Variants in TRPM1 observed in about 807,000 individuals in gnomAD.
The protein encoded by TRPM1 is TRPM1-203 APA Isoform, Intron 10.
Under a neutral mutation model 149.4 loss-of-function variants are expected in TRPM1, and 113 were observed. That is an observed-to-expected ratio of 0.76 (90% CI 0.65 to 0.88). TRPM1 has a LOEUF of 0.88. Among genes scored for constraint, TRPM1 ranks in the 40% least tolerant of loss-of-function variants. The pLI is 0.00. For missense variants in TRPM1, 1,976 were observed against 2,038.7 expected (o/e 0.97, Z 0.59); for synonymous variants, 741 against 759.5 (o/e 0.98, Z 0.40).
At chr15:31,068,744 CAAAAA>C (rs60411633) in intron 4 of TRPM1, among the ~76,000 whole-genome samples, 2,121 of 60,168 alleles carry the variant, frequency 0.035, 87 homozygotes, top group African/African-American at 0.13. Flanking sequence ...AACTCCAACT[CAAAAA>C]AAAAAAAAAA....
intron 1 of TRPM1, among the ~76,000 whole-genome samples, chr15:31,128,365 C>T (rs1347113958): frequency 6.6e-6 from 1 of 152,206 alleles, no homozygotes; most frequent in African/African-American, 2.4e-5. Context: ...GTCTCTTTCG[C>T]TTGTGGGCTG....
intron 16 of TRPM1, among the ~76,000 whole-genome samples, chr15:31,045,421 TCCCC>T (rs2033735438): frequency 6.6e-6 from 1 of 152,140 alleles, no homozygotes; most frequent in Non-Finnish European, 1.5e-5. Context: ...ATTTTCTAAC[TCCCC>T]CCAAATTTTT....
chr15:31,149,326 G>C (rs1451812707), intron 1 of TRPM1, among the ~76,000 whole-genome samples: 2 of 152,116 alleles, frequency 1.3e-5, no homozygotes, highest in Non-Finnish European at 2.9e-5. Context: ...CTTAGCTGAG[G>C]GGGGCGGGTG....
chr15:31,135,393 C>T lies in TRPM1; in HGVS notation c.54+25513G>A, dbSNP rs1397141023. On this transcript the variant is annotated intron_variant, in intron 1 of 26. Transcript: ENST00000542188. ...TCATGTTGAACATGATAAATGCATA[C>T]AATTTTTACTTGTCAATTAAAAAAA... 3.3e-5 allele frequency among the ~76,000 whole-genome samples: 5 copies of T among 151,910 alleles called. 1 individual carries two copies. Among genetic ancestry groups the T allele is most frequent in the Non-Finnish European group, 7.4e-5 (5 of 67,972 alleles).
intron 21 of TRPM1, among the ~76,000 whole-genome samples, 183 bp downstream of exon 21, chr15:31,035,363 T>G (rs1430639896): frequency 6.6e-6 from 1 of 152,230 alleles, no homozygotes; most frequent in Middle Eastern, 3.4e-3. Flanking sequence ...CCAGGCTGGT[T>G]TCAAATTCCT....
intron 2 of TRPM1, among the ~76,000 whole-genome samples, chr15:31,077,246 T>C (rs1460932249): frequency 6.6e-6 from 1 of 152,184 alleles, no homozygotes; most frequent in East Asian, 1.9e-4. Context: ...TGCACGGTTC[T>C]GGGGTGGGAG....
At chr15:31,072,560 A>T (rs1295811865) in intron 3 of TRPM1, among the ~76,000 whole-genome samples, 1 of 152,154 alleles carries the variant, frequency 6.6e-6, no homozygotes, top group Non-Finnish European at 1.5e-5. Context: ...TTGCTGGGTC[A>T]TACGGTTACT....
At chr15:31,080,795 G>A (rs967995146) in intron 2 of TRPM1, among the ~76,000 whole-genome samples, 1 of 132,814 alleles carries the variant, frequency 7.5e-6, no homozygotes, top group East Asian at 2.3e-4. Context: ...CCCTCTCACC[G>A]CCCTAGGATA....
chr15:31,045,289 A>G (rs1368788061), intron 16 of TRPM1, among the ~76,000 whole-genome samples: 2 of 152,220 alleles, frequency 1.3e-5, no homozygotes, highest in African/African-American at 4.8e-5. Flanking sequence ...ATTCCACAAT[A>G]TGGCATTTCT....
intron 1 of TRPM1, chr15:31,160,764 C>T (rs1220039202): frequency 2.4e-6 from 2 of 837,144 alleles, no homozygotes; most frequent in Non-Finnish European, 3.8e-6. Context: ...GAGCTCTGAA[C>T]ACCCCATGCC....
chr15:31,110,086 A>G (rs188850330), intron 1 of TRPM1, among the ~76,000 whole-genome samples: 136 of 152,354 alleles, frequency 8.9e-4, no homozygotes, highest in Non-Finnish European at 1.5e-3. Context: ...CATTGGCTGC[A>G]GAGGTGGGCT....
At chr15:31,080,880 C>T (rs2034840270) in intron 2 of TRPM1, among the ~76,000 whole-genome samples, 1 of 152,094 alleles carries the variant, frequency 6.6e-6, no homozygotes, top group Non-Finnish European at 1.5e-5. Flanking sequence ...AAAGCCCAGG[C>T]TCCGAGCGCT....
chr15:31,151,868 G>A (rs1345653514), intron 1 of TRPM1, among the ~76,000 whole-genome samples: 2 of 152,212 alleles, frequency 1.3e-5, no homozygotes, highest in African/African-American at 4.8e-5. Context: ...CTTGGCTGAG[G>A]CCTTTGCCCC....
At chr15:31,111,864 ACAATAACC>A (rs2035693922) in intron 1 of TRPM1, among the ~76,000 whole-genome samples, 1 of 152,094 alleles carries the variant, frequency 6.6e-6, no homozygotes, top group African/African-American at 2.4e-5. Context: ...CCCATTGGTT[ACAATAACC>A]CATAAAGCAA....
intron 14 of TRPM1, 22 bp downstream of exon 14, chr15:31,047,867 A>T (rs907430112): frequency 6.2e-7 from 1 of 1,600,302 alleles, no homozygotes; most frequent in Non-Finnish European, 8.6e-7. Context: ...AACAGGTAAG[A>T]ATTGTAAAAC....
chr15:31,078,064 A>T lies in TRPM1; in HGVS notation c.4-1080T>A, dbSNP rs548956113. On this transcript the variant is annotated intron_variant, in intron 2 of 27. Coordinates refer to ENST00000256552, the MANE Select transcript of TRPM1 (RefSeq NM_001252024.2). ...TTAGCATGTGACAATCCTGAGTCAG[A>T]TCTTAGAGAAACCATGGCCGGCGGG... Among the ~76,000 whole-genome samples, 9 of 152,210 alleles carry T rather than the reference A, an allele frequency of 5.9e-5. No individual in the cohort carries two copies. In the East Asian group the frequency reaches 1.5e-3, roughly 26 times the overall value.
chr15:31,110,652 T>C (rs1199732049), intron 1 of TRPM1, among the ~76,000 whole-genome samples: 4 of 152,144 alleles, frequency 2.6e-5, no homozygotes, highest in Non-Finnish European at 5.9e-5. Context: ...ACCACTCTTC[T>C]GCACCCTACG....
At chr15:31,067,799 G>T in intron 5 of TRPM1, 80 bp downstream of exon 5, 1 of 1,380,044 alleles carries the variant, frequency 7.2e-7, no homozygotes, top group Non-Finnish European at 1.0e-6. Context: ...GTTGTCCTTA[G>T]TTATTAGGAA....
chr15:31,155,177 C>T (rs2036351645), intron 1 of TRPM1, among the ~76,000 whole-genome samples: 1 of 152,132 alleles, frequency 6.6e-6, no homozygotes, highest in Admixed American at 6.5e-5. Flanking sequence ...TCCAGCAACA[C>T]TCTCTGGGAA....
Sources: gnomAD v4.1 joint callset for allele counts (sites outside exome capture counted in the v4.1 genomes callset) on GRCh38, gnomAD v4.1.1 for gene constraint, MANE v1.5 for transcripts, NCBI Gene and HGNC (gene_info 2026-07-23, HGNC 2026-07-21) for gene names.